The following DHX57 variants were observed in gnomAD, a reference collection of about 807,000 sequenced individuals.
The protein encoded by DHX57 is DExH-box helicase 57.
DHX57 carries 105 observed loss-of-function variants against 156.2 expected under a neutral mutation model. The observed-to-expected ratio is 0.67, with a 90% CI of 0.57 to 0.79. The LOEUF (loss-of-function observed/expected upper bound fraction) is 0.79, where lower values mean the gene tolerates loss of function less well. Among genes scored for constraint, DHX57 ranks in the 30% least tolerant of loss-of-function variants. The pLI, the probability that DHX57 is intolerant of heterozygous loss-of-function variation, is 0.00. For missense variants in DHX57, 1,847 were observed against 1,661.9 expected, an observed-to-expected ratio of 1.11 and a Z score of -1.94; for synonymous variants, 704 against 595.6, an observed-to-expected ratio of 1.18 and a Z score of -2.65.
At chr2:38,816,997 G>A (rs1393727390) in intron 19 of DHX57, among the ~76,000 whole-genome samples, 2 of 152,052 alleles carry the variant, frequency 1.3e-5, no homozygotes, top group East Asian at 3.9e-4. Flanking sequence ...ATTTCTTATT[G>A]CCCTGTACAT....
chr2:38,827,886 C>T (rs1158574467), intron 14 of DHX57, among the ~76,000 whole-genome samples: 1 of 152,064 alleles, frequency 6.6e-6, no homozygotes, highest in East Asian at 1.9e-4. Flanking sequence ...AACGGAGTTT[C>T]ACTCTTGTTG....
chr2:38,801,295 C>T (rs541640837), intron 23 of DHX57, among the ~76,000 whole-genome samples: 1 of 152,202 alleles, frequency 6.6e-6, no homozygotes, highest in Non-Finnish European at 1.5e-5. Context: ...GGCTGGAGTG[C>T]AGTGGTGCAA....
At chr2:38,840,229 G>C (rs562461334) in intron 12 of DHX57, among the ~76,000 whole-genome samples, 45 of 152,238 alleles carry the variant, frequency 3.0e-4, no homozygotes, top group Non-Finnish European at 5.6e-4. Flanking sequence ...ATAGGCATGA[G>C]CCACTGTGCC....
chr2:38,824,965 G>A (rs889803832), intron 16 of DHX57, among the ~76,000 whole-genome samples: 8 of 152,192 alleles, frequency 5.3e-5, no homozygotes, highest in African/African-American at 1.9e-4. Flanking sequence ...TGCAGTCATT[G>A]TTTATAAAAT....
intron 23 of DHX57, 109 bp downstream of exon 23, chr2:38,802,606 T>C: frequency 7.4e-7 from 1 of 1,353,946 alleles, no homozygotes; most frequent in Non-Finnish European, 1.0e-6. Flanking sequence ...TCATTTTTAA[T>C]TAGCTCTGTT....
chr2:38,822,891 A>G, intron 17 of DHX57, 102 bp downstream of exon 17: 1 of 1,325,578 alleles, frequency 7.5e-7, no homozygotes, highest in Non-Finnish European at 1.0e-6. Context: ...ACATACAAGC[A>G]AATTTTTAGG....
chr2:38,838,298 G>C (rs111309366), intron 12 of DHX57, among the ~76,000 whole-genome samples: 198 of 152,210 alleles, frequency 1.3e-3, no homozygotes, highest in African/African-American at 4.7e-3. Flanking sequence ...ATGGGGTCTT[G>C]CTGTGTTGCC....
At position 38,835,010 on chromosome 2, in the gene DHX57, T is replaced by C. The variant is rs146162225; in HGVS notation, c.2542+2821A>G. On this transcript the variant is annotated intron_variant, in intron 13 of 23. Transcript: ENST00000457308. ...AGGGAAGGATCTAAAGCTGGGAAAT[T>C]TAATGCCAGCAAAGGATAGTTTGAC... Among the ~76,000 whole-genome samples the C allele has an allele frequency of 2.6e-4, 39 of 152,264 alleles. No homozygotes were observed. In the East Asian group the frequency reaches 6.9e-3, roughly 27 times the overall value.
At chr2:38,827,043 A>T (rs905534238) in intron 14 of DHX57, among the ~76,000 whole-genome samples, 1 of 152,272 alleles carries the variant, frequency 6.6e-6, no homozygotes, top group East Asian at 1.9e-4. Flanking sequence ...AGGCAGGTGA[A>T]TCACTTGAGC....
At position 38,840,384 on chromosome 2, in the gene DHX57, A is replaced by AT. The variant is rs752426209; in HGVS notation, c.2426-2438dup. Reference sequence around the variant, plus strand: ...ACATTGAGATCAACAAATTCAAGGCATTTTTTTTTTTTTTGAGATGGAGTC... The same window carrying AT: ...ACATTGAGATCAACAAATTCAAGGCATTTTTTTTTTTTTTTGAGATGGAGTC... On this transcript the variant is annotated intron_variant, in intron 12 of 23. Transcript: ENST00000457308. Among the ~76,000 whole-genome samples, 482 of 142,934 alleles carry AT rather than the reference A, an allele frequency of 3.4e-3. 2 individuals are homozygous for AT. Among genetic ancestry groups the AT allele is most frequent in the Middle Eastern group, 7.4e-3 (2 of 272 alleles). 93.8% of individuals were successfully genotyped at this position (142,934 alleles called of 152,430 possible).
At chr2:38,829,561 C>A (rs867907756) in intron 13 of DHX57, among the ~76,000 whole-genome samples, 11 of 152,114 alleles carry the variant, frequency 7.2e-5, no homozygotes, top group African/African-American at 2.4e-4. Context: ...TGAGCCACTG[C>A]GCTTGGCCCC....
intron 12 of DHX57, among the ~76,000 whole-genome samples, chr2:38,838,612 T>C (rs563685893): frequency 9.8e-5 from 15 of 152,298 alleles, no homozygotes; most frequent in Non-Finnish European, 4.4e-5. Flanking sequence ...AGAAACTTCT[T>C]CTAGATTCAA....
chr2:38,826,470 T>C, intron 15 of DHX57, 46 bp downstream of exon 15: 2 of 1,594,430 alleles, frequency 1.3e-6, no homozygotes, highest in Non-Finnish European at 1.7e-6. Context: ...TCTCCCTAAA[T>C]GAAGCATTTT....
Position 38,861,687 on chromosome 2 carries a change from C to T in DHX57, c.723G>A (p.Leu241=). 6.2e-7 allele frequency: 1 copy of T among 1,614,150 alleles called. No homozygotes were observed. The highest frequency in any genetic ancestry group is 2.2e-5 in the East Asian group (1 of 44,874). ...KISEAVNQIS[L]DECMEQRQEE... is the part of the protein sequence containing the mutation. ...CCTGTCGCTGTTCCATACACTCATC[C>T]AAGCTTATCTGGTTGACTGCCTCAG... is the stretch of plus-strand genomic sequence containing the variant. The change falls in exon 5 of 24, where the codon TTG becomes TTA. Residue 241 remains leucine, a synonymous_variant. Coordinates refer to ENST00000457308, the MANE Select transcript of DHX57 (RefSeq NM_198963.3).
intron 1 of DHX57, among the ~76,000 whole-genome samples, chr2:38,871,200 C>T (rs1234964966): frequency 6.6e-6 from 1 of 152,130 alleles, no homozygotes; most frequent in Non-Finnish European, 1.5e-5. Flanking sequence ...ATTGTCTCTT[C>T]TTTTCTCTGA....
At chr2:38,806,755 C>T in intron 21 of DHX57, 62 bp from the exon 22 acceptor site, 1 of 1,509,442 alleles carries the variant, frequency 6.6e-7, no homozygotes, top group Non-Finnish European at 8.9e-7. Flanking sequence ...GAAAGTATCT[C>T]TTGGCACAAA....
chr2:38,815,060 AT>A (rs951089989), intron 20 of DHX57, among the ~76,000 whole-genome samples: 4 of 146,080 alleles, frequency 2.7e-5, no homozygotes, highest in Non-Finnish European at 4.5e-5. Flanking sequence ...ACTTAAAAAA[AT>A]TTTTTTATAC....
rs1318150997 is a variant in DHX57 at position 38,858,758 on chromosome 2, A to G, written c.1490T>C (p.Val497Ala). 1 of 1,614,024 alleles carries G rather than the reference A, an allele frequency of 6.2e-7. No individual in the cohort carries two copies. ...APVIVENESYVNLKKKISKRY... is the reference protein window; with the variant it reads ...APVIVENESYANLKKKISKRY... ...TTTGGAAATCTTTTTCTTAAGGTTC[A>G]CATAGCTTTCATTCTCTACTATAAC... The change falls in exon 6 of 24, where the codon GTG becomes GCG. Residue 497 changes from valine to alanine, a missense_variant. Transcript: ENST00000457308.
intron 11 of DHX57, among the ~76,000 whole-genome samples, chr2:38,845,646 T>C (rs893204460): frequency 2.0e-5 from 3 of 152,036 alleles, no homozygotes; most frequent in Non-Finnish European, 2.9e-5. Context: ...GGAGAGTTAA[T>C]AGTGAGAAGA....
Sources: gnomAD v4.1 joint callset for allele counts (sites outside exome capture counted in the v4.1 genomes callset) on GRCh38, gnomAD v4.1.1 for gene constraint, MANE v1.5 for transcripts, NCBI Gene and HGNC (gene_info 2026-07-23, HGNC 2026-07-21) for gene names.